Variants in ATRN observed in about 807,000 individuals in gnomAD.
ATRN encodes the protein attractin, also known as attractin-2.
Under a neutral mutation model 178.7 loss-of-function variants are expected in ATRN, and 54 were observed. The observed-to-expected ratio is 0.30, with a 90% CI of 0.24 to 0.38. The LOEUF is 0.38. ATRN is among the 10% of genes least tolerant of loss of function. ATRN has a pLI of 1.00. For missense variants in ATRN, 1,443 were observed against 1,815.1 expected (o/e 0.79, Z 3.73); for synonymous variants, 636 against 663.0 (o/e 0.96, Z 0.63).
At chr20:3,642,770 C>A (rs1312443676) in intron 27 of ATRN, among the ~76,000 whole-genome samples, 1 of 152,178 alleles carries the variant, frequency 6.6e-6, no homozygotes, top group Non-Finnish European at 1.5e-5. Context: ...AGATTTCCAT[C>A]CCACGTTTAT....
chr20:3,535,626 C>CACACACACACACACACACACAT lies in ATRN; in HGVS notation c.494+291_494+292insCACACACACACACACACACATA, dbSNP rs1491226542. Among the ~76,000 whole-genome samples the CACACACACACACACACACACAT allele has an allele frequency of 7.9e-4, 92 of 115,902 alleles. 1 individual carries two copies. The highest frequency in any genetic ancestry group is 4.5e-3 in the Middle Eastern group (1 of 224). 76.0% of individuals were successfully genotyped at this position (115,902 alleles called of 152,430 possible). ...ACACACACACACACACACACACACACATATATATTTATTTATTTTTATGGG... is the reference window on the plus strand; with the variant it reads ...ACACACACACACACACACACACACACACACACACACACACACACACATATATATATTTATTTATTTTTATGGG... On this transcript the variant is annotated intron_variant, in intron 2 of 28. Transcript: ENST00000262919.
At position 3,534,087 on chromosome 20, in the gene ATRN, C is replaced by T. The variant is rs1296373178; in HGVS notation, c.411-1166C>T. Among the ~76,000 whole-genome samples, 4 of 152,250 alleles carry T rather than the reference C, an allele frequency of 2.6e-5. No homozygotes were observed. In the South Asian group the frequency reaches 6.2e-4, roughly 24 times the overall value. ...GAGTAGGGCATGGATACATCTCTAT[C>T]AGGCAAGTACAGCAGAGGAAGAGAA... On this transcript the variant is annotated intron_variant, in intron 1 of 28. Transcript: ENST00000262919.
chr20:3,636,649 T>C (rs1417955672), intron 26 of ATRN, among the ~76,000 whole-genome samples: 3 of 152,298 alleles, frequency 2.0e-5, no homozygotes, highest in Admixed American at 1.3e-4. Context: ...GATTAACTAA[T>C]CCTTATCTCA....
chr20:3,483,050 C>G (rs955059407), intron 1 of ATRN, among the ~76,000 whole-genome samples: 5 of 152,210 alleles, frequency 3.3e-5, no homozygotes, highest in African/African-American at 1.2e-4. Context: ...TCACCGTACC[C>G]TTTCCCCAGA....
intron 1 of ATRN, among the ~76,000 whole-genome samples, chr20:3,502,690 C>A (rs1001302813): frequency 8.5e-5 from 13 of 152,222 alleles, no homozygotes; most frequent in African/African-American, 3.1e-4. Context: ...TCCACTGAGG[C>A]AGGTTGGCAG....
chr20:3,607,746 C>T lies in ATRN; in HGVS notation c.3801+3484C>T, dbSNP rs562167071. 7.9e-5 allele frequency among the ~76,000 whole-genome samples: 12 copies of T among 152,232 alleles called. No homozygotes were observed. The South Asian group carries it at 1.7e-3, about 21-fold the overall frequency. ...TTTCTTTTGGATATATACCCAGCAG[C>T]GGGATTGCTGGATCATGTGGTGGAT... On this transcript the variant is annotated intron_variant, in intron 24 of 28. Transcript: ENST00000262919.
chr20:3,633,937 G>A (rs978995622), intron 25 of ATRN, among the ~76,000 whole-genome samples: 4 of 152,038 alleles, frequency 2.6e-5, no homozygotes, highest in Admixed American at 2.6e-4. Context: ...CACCTTCTTA[G>A]ATTTTACCAG....
intron 1 of ATRN, among the ~76,000 whole-genome samples, chr20:3,519,190 G>A (rs2085252599): frequency 6.6e-6 from 1 of 151,838 alleles, no homozygotes; most frequent in Non-Finnish European, 1.5e-5. Context: ...ATCTCTACAA[G>A]GCCAGTGTAT....
Position 3,471,515 on chromosome 20 carries a change from C to T in ATRN, c.408C>T (p.Phe136=). 1.4e-6 allele frequency: 2 copies of T among 1,398,784 alleles called. No homozygotes were observed. The highest frequency in any genetic ancestry group is 9.2e-7 in the Non-Finnish European group (1 of 1,084,442). The allele number at this position is 1,398,784 out of a possible 1,614,324, so 86.6% of individuals were successfully genotyped here. A position where few individuals can be genotyped will look rare whatever the true frequency, so the allele number is the denominator to read the frequency against. Residue 136 remains phenylalanine, a splice_region_variant and synonymous_variant, in exon 1 of 29, where the codon TTC becomes TTT. Transcript: ENST00000262919. The part of the protein sequence containing the change: ...GEQCQHCGGR[F]RLTGSSGFVT... ...AATGCCAGCACTGCGGGGGCCGCTT[C>T]AGGTGAGTGGCGGGTGGTGTCGGAG... is the stretch of plus-strand genomic sequence containing the variant.
chr20:3,631,062 C>G (rs1295807708), intron 25 of ATRN, among the ~76,000 whole-genome samples: 1 of 150,838 alleles, frequency 6.6e-6, no homozygotes, highest in Non-Finnish European at 1.5e-5. Context: ...GTCCTCCTCA[C>G]CTCAGTCTCC....
At chr20:3,493,281 G>A (rs1203628275) in intron 1 of ATRN, among the ~76,000 whole-genome samples, 3 of 150,596 alleles carry the variant, frequency 2.0e-5, no homozygotes, top group Admixed American at 6.6e-5. Context: ...AGCCTCCTGA[G>A]TAGCTAGGAC....
chr20:3,616,006 C>A, intron 24 of ATRN: 1 of 176,350 alleles, frequency 5.7e-6, no homozygotes, highest in Non-Finnish European at 1.2e-5. Flanking sequence ...AACAAACCTG[C>A]ATGTTGTGCA....
At chr20:3,495,930 G>A (rs892386531) in intron 1 of ATRN, among the ~76,000 whole-genome samples, 6 of 152,082 alleles carry the variant, frequency 3.9e-5, no homozygotes, top group Non-Finnish European at 4.4e-5. Flanking sequence ...TAAGGAGAGA[G>A]AGAGAATGGG....
chr20:3,505,325 G>C (rs1364533609), intron 1 of ATRN, among the ~76,000 whole-genome samples: 4 of 152,128 alleles, frequency 2.6e-5, no homozygotes, highest in Admixed American at 6.5e-5. Flanking sequence ...CAGTCTCCCA[G>C]GTTCTTGGAC....
rs930444887 is a variant in ATRN at position 3,604,162 on chromosome 20, A to G, written c.3701A>G (p.Tyr1234Cys). 21 of 1,612,930 alleles carry G rather than the reference A, an allele frequency of 1.3e-5. No individual in the cohort carries two copies. The highest frequency in any genetic ancestry group is 1.8e-5 in the Non-Finnish European group (21 of 1,179,744). Residue 1234 changes from tyrosine to cysteine, a missense_variant, in exon 24 of 29, where the codon TAC becomes TGC. Tyr to Cys is a radical substitution (Grantham distance 194, BLOSUM62 -2). Transcript: ENST00000262919. ...GTTTCAAAAACCAACATTAAGGAGT[A>G]CAAAGATAGTTTCTCTAATGAGAAG... ...PVVSKTNIKE[Y>C]KDSFSNEKFD...
chr20:3,476,754 G>A (rs2084537173), intron 1 of ATRN, among the ~76,000 whole-genome samples: 1 of 152,226 alleles, frequency 6.6e-6, no homozygotes, highest in South Asian at 2.1e-4. Context: ...CAGCTACTCA[G>A]GAGGCTGAGG....
At chr20:3,574,018 G>A (rs1215299441) in intron 12 of ATRN, among the ~76,000 whole-genome samples, 3 of 151,958 alleles carry the variant, frequency 2.0e-5, no homozygotes, top group South Asian at 2.1e-4. Context: ...AATTACAGGC[G>A]TGAGCTACTG....
At chr20:3,610,542 A>C (rs2086747268) in intron 24 of ATRN, among the ~76,000 whole-genome samples, 1 of 148,780 alleles carries the variant, frequency 6.7e-6, no homozygotes, top group South Asian at 2.1e-4. Context: ...TTACAGGTGC[A>C]CACCGCCACG....
intron 1 of ATRN, among the ~76,000 whole-genome samples, chr20:3,497,847 G>A (rs951958840): frequency 4.6e-5 from 7 of 152,086 alleles, no homozygotes; most frequent in African/African-American, 1.4e-4. Flanking sequence ...ATTTCTTGGA[G>A]GCTTTGCTCG....
Sources: allele counts gnomAD v4.1 joint callset (sites outside exome capture counted in the v4.1 genomes callset), GRCh38; gene constraint gnomAD v4.1.1; transcripts MANE v1.5; gene names NCBI Gene and HGNC (gene_info 2026-07-23, HGNC 2026-07-21).